CFAP54: variants seen among roughly 807,000 people sequenced by gnomAD.
The protein encoded by CFAP54 is cilia- and flagella-associated protein 54.
A neutral mutation model predicts 370.4 loss-of-function variants in CFAP54; 290 were observed. The ratio of observed to expected loss-of-function variants is 0.78; its 90% CI spans 0.71 to 0.86. The LOEUF is 0.86. Among genes scored for constraint, CFAP54 ranks in the 40% least tolerant of loss-of-function variants. CFAP54 has a pLI of 0.00. For synonymous variants in CFAP54, 1,206 were observed against 1,236.5 expected, an observed-to-expected ratio of 0.98 and a Z score of 0.52; for missense variants, 3,399 against 3,528.7, an observed-to-expected ratio of 0.96 and a Z score of 0.93.
chr12:96,526,626 T>A (rs1161907144), intron 8 of CFAP54, among the ~76,000 whole-genome samples: 1 of 152,192 alleles, frequency 6.6e-6, no homozygotes, highest in African/African-American at 2.4e-5. Context: ...CCGAAGGCTA[T>A]AATGAAGATA....
intron 34 of CFAP54, among the ~76,000 whole-genome samples, chr12:96,649,273 T>C (rs1956832264): frequency 6.6e-6 from 1 of 152,196 alleles, no homozygotes; most frequent in Admixed American, 6.5e-5. Flanking sequence ...TCCATAGCCA[T>C]AGAGTCTGGT....
intron 63 of CFAP54, among the ~76,000 whole-genome samples, chr12:96,800,278 A>C (rs34457): frequency 1.3e-5 from 2 of 152,196 alleles, no homozygotes; most frequent in African/African-American, 4.8e-5. Flanking sequence ...TAGTGTAACA[A>C]GGTTTTATCC....
chr12:96,528,902 A>T (rs1392692043), intron 9 of CFAP54, among the ~76,000 whole-genome samples: 1 of 152,194 alleles, frequency 6.6e-6, no homozygotes, highest in Non-Finnish European at 1.5e-5. Context: ...TATTTACATT[A>T]AATGCATATT....
At chr12:96,750,285 TGCAGCAGCAGCA>T (rs372696653) in intron 55 of CFAP54, among the ~76,000 whole-genome samples, 13 of 151,516 alleles carry the variant, frequency 8.6e-5, no homozygotes, top group South Asian at 2.1e-4. Flanking sequence ...ACCTGTCTCC[TGCAGCAGCAGCA>T]GCAGCAGCAG....
At chr12:96,839,423 CAGA>C (rs1448981315) in intron 66 of CFAP54, among the ~76,000 whole-genome samples, 1 of 152,122 alleles carries the variant, frequency 6.6e-6, no homozygotes, top group Non-Finnish European at 1.5e-5. Context: ...GGGGCTGTAG[CAGA>C]AGAACAACAC....
intron 17 of CFAP54, 108 bp from the exon 18 acceptor site, chr12:96,564,360 A>C (rs1955843951): frequency 4.0e-6 from 2 of 506,032 alleles, no homozygotes; most frequent in African/African-American, 2.0e-5. Context: ...AAAAAATGAC[A>C]TGACAGAGGA....
Position 96,757,526 on chromosome 12 carries a change from C to A in CFAP54, c.7978C>A (p.Leu2660Ile). The change falls in exon 58 of 68, where the codon CTA (leucine) becomes ATA (isoleucine). Residue 2660 changes from leucine (L) to isoleucine (I), a missense_variant. Physicochemically the swap from Leu to Ile is conservative, Grantham distance 5. Coordinates refer to ENST00000524981, the MANE Select transcript of CFAP54 (RefSeq NM_001306084.2). ...AAGAGACTCCTACCTAGAAATGGCT[C>A]TATTGTATTTTCATCTGAAGAAGCC... ...LIRDSYLEMALLYFHLKKPKI... is the reference protein window; with the variant it reads ...LIRDSYLEMAILYFHLKKPKI... 6.3e-7 allele frequency: 1 copy of A among 1,597,722 alleles called. No homozygotes were observed.
intron 39 of CFAP54, among the ~76,000 whole-genome samples, chr12:96,674,010 A>C (rs776521571): frequency 6.6e-6 from 1 of 152,222 alleles, no homozygotes; most frequent in Non-Finnish European, 1.5e-5. Context: ...TAAGCTCCAT[A>C]GGGGAGATAA....
chr12:96,570,026 T>C (rs1361119711), intron 19 of CFAP54, among the ~76,000 whole-genome samples: 1 of 152,092 alleles, frequency 6.6e-6, no homozygotes, highest in Non-Finnish European at 1.5e-5. Context: ...TCAGCCTGGC[T>C]GCAGTGCAGT....
intron 67 of CFAP54, among the ~76,000 whole-genome samples, chr12:96,868,815 G>A (rs951225914): frequency 6.6e-6 from 1 of 151,970 alleles, no homozygotes; most frequent in African/African-American, 2.4e-5. Context: ...CCATAGATTG[G>A]CTGTATGCTT....
chr12:96,558,048 G>A (rs1425096981), intron 17 of CFAP54, among the ~76,000 whole-genome samples: 2 of 152,090 alleles, frequency 1.3e-5, no homozygotes, highest in African/African-American at 4.8e-5. Context: ...CTTTGTGGAG[G>A]TGGCAGGGAG....
At chr12:96,826,011 A>G (rs1028037743) in intron 65 of CFAP54, among the ~76,000 whole-genome samples, 14 of 144,218 alleles carry the variant, frequency 9.7e-5, no homozygotes, top group Admixed American at 4.3e-4. Flanking sequence ...ATATATTAAT[A>G]TAGAAATTAA....
intron 50 of CFAP54, among the ~76,000 whole-genome samples, chr12:96,733,577 A>T (rs945177700): frequency 1.2e-4 from 15 of 125,632 alleles, no homozygotes; most frequent in Admixed American, 6.1e-4. Context: ...GTTCCTTCCT[A>T]TTCTCCTTTA....
At chr12:96,826,548 T>TATATATA (rs1232038607) in intron 65 of CFAP54, among the ~76,000 whole-genome samples, 2 of 86,202 alleles carry the variant, frequency 2.3e-5, no homozygotes, top group African/African-American at 4.5e-5. Context: ...ATATATAATT[T>TATATATA]ATATATAATA....
intron 58 of CFAP54, among the ~76,000 whole-genome samples, chr12:96,762,581 TC>T (rs1481749425): frequency 1.3e-5 from 2 of 152,220 alleles, no homozygotes; most frequent in Admixed American, 1.3e-4. Flanking sequence ...GGAGTTGACT[TC>T]TTTTTTCTTT....
At chr12:96,603,957 G>A (rs113645452) in intron 26 of CFAP54, among the ~76,000 whole-genome samples, 13,446 of 152,156 alleles carry the variant, frequency 0.088, 781 homozygotes, top group Middle Eastern at 0.14. Flanking sequence ...GCCTACTTCT[G>A]TGAACTCATC....
At chr12:96,825,663 C>A in intron 65 of CFAP54, among the ~76,000 whole-genome samples, 1 of 117,624 alleles carries the variant, frequency 8.5e-6, no homozygotes. Flanking sequence ...ATATATCATG[C>A]TATAATATAT....
intron 32 of CFAP54, among the ~76,000 whole-genome samples, chr12:96,633,142 G>C (rs1167551948): frequency 6.6e-6 from 1 of 152,132 alleles, no homozygotes; most frequent in Non-Finnish European, 1.5e-5. Flanking sequence ...AATCTGAAGA[G>C]ATAATGTTTT....
In CFAP54 at chr12:96,728,881, G is replaced by A. The variant is rs925367377; in HGVS notation, c.6965+8316G>A. Among the ~76,000 whole-genome samples the A allele has an allele frequency of 2.0e-5, 3 of 152,166 alleles. No individual in the cohort carries two copies. In the South Asian group the frequency reaches 6.2e-4, roughly 32 times the overall value. ...GTGTGGATGTCCTTTCTGTTTGTTA[G>A]TTTTCCTTCTAACAGACAGGACCCT... On this transcript the variant is annotated intron_variant, in intron 50 of 67. Coordinates refer to ENST00000524981, the MANE Select transcript of CFAP54 (RefSeq NM_001306084.2).
Sources: allele counts gnomAD v4.1 joint callset (sites outside exome capture counted in the v4.1 genomes callset), GRCh38; gene constraint gnomAD v4.1.1; transcripts MANE v1.5; gene names NCBI Gene and HGNC (gene_info 2026-07-23, HGNC 2026-07-21).